The following MARCHF11 variants were observed in gnomAD, a reference collection of about 807,000 sequenced individuals.
MARCHF11 encodes the protein E3 ubiquitin-protein ligase MARCHF11.
In MARCHF11, 29 loss-of-function variants were observed where a neutral mutation model predicts 37.3. That is an observed-to-expected ratio of 0.78 (90% CI 0.58 to 1.06). The LOEUF (loss-of-function observed/expected upper bound fraction) is 1.06. Among genes scored for constraint, MARCHF11 ranks in the 50% least tolerant of loss-of-function variants. MARCHF11 has a pLI of 0.00. For synonymous variants in MARCHF11, 233 were observed against 228.0 expected (o/e 1.02, Z -0.20); for missense variants, 482 against 533.4 (o/e 0.90, Z 0.95).
intron 3 of MARCHF11, among the ~76,000 whole-genome samples, chr5:16,073,891 CA>C (rs561991514): frequency 1.1e-3 from 168 of 152,264 alleles, no homozygotes; most frequent in African/African-American, 3.7e-3. Context: ...TACCCTAGAA[CA>C]GATGGACTTA....
chr5:16,169,854 G>T (rs181156599), intron 2 of MARCHF11, among the ~76,000 whole-genome samples: 1 of 152,132 alleles, frequency 6.6e-6, no homozygotes, highest in East Asian at 1.9e-4. Flanking sequence ...CTCTCATTTT[G>T]CCCTCAGAGT....
chr5:16,103,192 G>C (rs755407423), intron 2 of MARCHF11, among the ~76,000 whole-genome samples: 2 of 152,076 alleles, frequency 1.3e-5, no homozygotes, highest in Non-Finnish European at 2.9e-5. Context: ...AGTGAATATG[G>C]TGCTTGACGA....
chr5:16,167,060 C>T (rs980386488), intron 2 of MARCHF11, among the ~76,000 whole-genome samples: 1 of 147,484 alleles, frequency 6.8e-6, no homozygotes, highest in African/African-American at 2.6e-5. Context: ...CCATTGTAAG[C>T]TGAGGAGCAT....
intron 2 of MARCHF11, among the ~76,000 whole-genome samples, chr5:16,115,376 G>T (rs1737212090): frequency 1.3e-5 from 2 of 152,298 alleles, no homozygotes; most frequent in Non-Finnish European, 2.9e-5. Context: ...TGTCAAGTGA[G>T]CCTGATATCA....
intron 1 of MARCHF11, 137 bp from the exon 2 acceptor site, chr5:16,178,018 T>C (rs762483748): frequency 2.9e-5 from 22 of 749,122 alleles, no homozygotes; most frequent in Non-Finnish European, 4.2e-5. Flanking sequence ...GAAATTAAAA[T>C]TTTATACCTC....
At chr5:16,164,617 C>A (rs1262383858) in intron 2 of MARCHF11, among the ~76,000 whole-genome samples, 2 of 151,868 alleles carry the variant, frequency 1.3e-5, no homozygotes, top group African/African-American at 4.8e-5. Context: ...CACCCTGCAG[C>A]CAATCACAAT....
chr5:16,170,150 T>C (rs1040360791), intron 2 of MARCHF11, among the ~76,000 whole-genome samples: 2 of 152,198 alleles, frequency 1.3e-5, no homozygotes, highest in African/African-American at 4.8e-5. Context: ...CACCAAAAAT[T>C]TATATCCAGT....
At chr5:16,151,227 T>C (rs750797624) in intron 2 of MARCHF11, among the ~76,000 whole-genome samples, 42 of 152,020 alleles carry the variant, frequency 2.8e-4, no homozygotes, top group African/African-American at 9.9e-4. Context: ...TAGTAACCCA[T>C]TGTATTTGGC....
chr5:16,122,627 C>T (rs951663650), intron 2 of MARCHF11, among the ~76,000 whole-genome samples: 2 of 152,136 alleles, frequency 1.3e-5, no homozygotes, highest in African/African-American at 4.8e-5. Context: ...TTGTGCAATC[C>T]TGTGGTTTTC....
At chr5:16,115,343 C>T (rs1203192500) in intron 2 of MARCHF11, among the ~76,000 whole-genome samples, 1 of 152,190 alleles carries the variant, frequency 6.6e-6, no homozygotes, top group Non-Finnish European at 1.5e-5. Flanking sequence ...TGGGTGCTGG[C>T]TTCCTTCTCA....
At chr5:16,099,576 CAG>C (rs1254475577) in intron 2 of MARCHF11, among the ~76,000 whole-genome samples, 1 of 148,926 alleles carries the variant, frequency 6.7e-6, no homozygotes, top group Non-Finnish European at 1.5e-5. Flanking sequence ...AAAATAGTAA[CAG>C]AAAAAAAAAA....
chr5:16,114,343 C>T (rs758363432), intron 2 of MARCHF11, among the ~76,000 whole-genome samples: 1 of 152,080 alleles, frequency 6.6e-6, no homozygotes, highest in Non-Finnish European at 1.5e-5. Context: ...TATAATGTAA[C>T]AATTTAAAGT....
intron 2 of MARCHF11, among the ~76,000 whole-genome samples, chr5:16,173,027 C>A (rs1738296178): frequency 6.6e-6 from 1 of 152,150 alleles, no homozygotes; most frequent in Admixed American, 6.5e-5. Flanking sequence ...CTGCTGCTGA[C>A]AGCACATTAG....
chr5:16,133,500 C>A (rs1445619550), intron 2 of MARCHF11, among the ~76,000 whole-genome samples: 1 of 152,174 alleles, frequency 6.6e-6, no homozygotes, highest in Admixed American at 6.5e-5. Context: ...CACATAGATA[C>A]ATAAAAACTG....
At chr5:16,143,395 G>C (rs1737750025) in intron 2 of MARCHF11, among the ~76,000 whole-genome samples, 1 of 152,236 alleles carries the variant, frequency 6.6e-6, no homozygotes. Flanking sequence ...GTTGGGCCAA[G>C]GCAATTCAGC....
chr5:16,129,487 T>A (rs1157196648), intron 2 of MARCHF11, among the ~76,000 whole-genome samples: 1 of 152,208 alleles, frequency 6.6e-6, no homozygotes, highest in East Asian at 1.9e-4. Flanking sequence ...ACAAATTCTT[T>A]ATTGTTAAGT....
chr5:16,108,469 G>A (rs1737082538), intron 2 of MARCHF11, among the ~76,000 whole-genome samples: 1 of 152,214 alleles, frequency 6.6e-6, no homozygotes, highest in African/African-American at 2.4e-5. Context: ...AGGAAAGCGA[G>A]GGCAGGTATG....
At chr5:16,135,550 A>G (rs1317436725) in intron 2 of MARCHF11, among the ~76,000 whole-genome samples, 2 of 152,296 alleles carry the variant, frequency 1.3e-5, no homozygotes, top group East Asian at 3.9e-4. Flanking sequence ...AGGCTCAAAG[A>G]AAAACATTAC....
At chr5:16,178,761 T>A (rs1051823202) in intron 1 of MARCHF11, among the ~76,000 whole-genome samples, 3 of 152,136 alleles carry the variant, frequency 2.0e-5, no homozygotes, top group African/African-American at 7.2e-5. Context: ...TTTGGCATTA[T>A]CACTAAAGCA....
Sources: gnomAD v4.1 joint callset for allele counts (sites outside exome capture counted in the v4.1 genomes callset) on GRCh38, gnomAD v4.1.1 for gene constraint, MANE v1.5 for transcripts, NCBI Gene and HGNC (gene_info 2026-07-23, HGNC 2026-07-21) for gene names.